The following RBFOX1 variants were observed in gnomAD, a reference collection of about 807,000 sequenced individuals.
RBFOX1 encodes the protein RNA binding fox-1 homolog 1, also known as RNA binding protein fox-1 homolog 1.
Under a neutral mutation model 57.7 loss-of-function variants are expected in RBFOX1, and 8 were observed. That is an observed-to-expected ratio of 0.14 (90% CI 0.08 to 0.25). The LOEUF (loss-of-function observed/expected upper bound fraction) is 0.25. Ranked by LOEUF, RBFOX1 falls within the 10% of genes least tolerant of loss-of-function variation. The probability of loss-of-function intolerance (pLI) is 1.00; values close to 1 mark genes in which losing one functional copy is unlikely to be tolerated. For synonymous variants in RBFOX1, 326 were observed against 222.4 expected (o/e 1.47, Z -4.15); for missense variants, 611 against 548.5 (o/e 1.11, Z -1.14).
At chr16:6,776,049 C>G (rs1466993888) in intron 3 of RBFOX1, 1 of 152,032 alleles carries the variant, frequency 6.6e-6, no homozygotes, top group Non-Finnish European at 1.5e-5. Context: ...TTTCTTGGAT[C>G]ATATGTTTTT....
At chr16:6,862,141 A>G (rs2059132648) in intron 3 of RBFOX1, among the ~76,000 whole-genome samples, 1 of 152,178 alleles carries the variant, frequency 6.6e-6, no homozygotes, top group African/African-American at 2.4e-5. Context: ...TAACAACAAA[A>G]GAGTTTTTCA....
At position 7,181,051 on chromosome 16, in the gene RBFOX1, G is replaced by A. The variant is rs139706637; in HGVS notation, c.27+128953G>A. On this transcript the variant is annotated intron_variant, in intron 4 of 15. Coordinates refer to ENST00000550418, the MANE Select transcript of RBFOX1 (RefSeq NM_018723.4). ...GTAAATGTTTTTAACCACAGTCAGC[G>A]AGGCTGATTTGGTCCACAGGCCATG... is the stretch of plus-strand genomic sequence containing the variant. Among the ~76,000 whole-genome samples, 155 of 152,332 alleles carry A rather than the reference G, an allele frequency of 1.0e-3. 3 individuals are homozygous for A. The East Asian group carries it at 0.018, about 18-fold the overall frequency.
At chr16:6,121,417 G>A (rs1272937627) in intron 1 of RBFOX1, among the ~76,000 whole-genome samples, 6 of 152,218 alleles carry the variant, frequency 3.9e-5, no homozygotes, top group Non-Finnish European at 7.3e-5. Flanking sequence ...ACCAGGGAAA[G>A]TGATGATGCT....
chr16:5,597,344 C>G (rs1221847902), intron 2 of RBFOX1, among the ~76,000 whole-genome samples: 1 of 150,694 alleles, frequency 6.6e-6, no homozygotes, highest in African/African-American at 2.4e-5. Flanking sequence ...ACACACGACC[C>G]TCTCTCTGCC....
At chr16:7,205,956 A>G (rs1362968637) in intron 4 of RBFOX1, among the ~76,000 whole-genome samples, 1 of 152,248 alleles carries the variant, frequency 6.6e-6, no homozygotes, top group Non-Finnish European at 1.5e-5. Flanking sequence ...GTTTTCTCAT[A>G]CGATTTGATC....
At chr16:6,512,208 C>T (rs553401508) in intron 2 of RBFOX1, among the ~76,000 whole-genome samples, 4 of 141,098 alleles carry the variant, frequency 2.8e-5, no homozygotes, top group African/African-American at 1.0e-4. Context: ...TGCTTGAGCC[C>T]AGGAGGTTGA....
intron 4 of RBFOX1, among the ~76,000 whole-genome samples, chr16:7,054,545 T>TGGCGGGGG (rs1555823213): frequency 9.2e-6 from 1 of 108,404 alleles, no homozygotes; most frequent in South Asian, 4.3e-4. Context: ...CAAACCTGGG[T>TGGCGGGGG]GGGGGGGCAT....
At chr16:6,529,230 G>T (rs368021249) in intron 2 of RBFOX1, among the ~76,000 whole-genome samples, 1 of 152,024 alleles carries the variant, frequency 6.6e-6, no homozygotes. Flanking sequence ...TCAAATAAAA[G>T]CATATTGCAT....
chr16:7,047,616 A>AT (rs572065121), intron 3 of RBFOX1, among the ~76,000 whole-genome samples: 106 of 105,734 alleles, frequency 1.0e-3, no homozygotes, highest in African/African-American at 2.7e-3. Flanking sequence ...ATTATTTCTT[A>AT]ATTTTTTTTT....
At chr16:5,615,757 A>C (rs1389677985) in intron 3 of RBFOX1, among the ~76,000 whole-genome samples, 3 of 152,206 alleles carry the variant, frequency 2.0e-5, no homozygotes, top group Non-Finnish European at 4.4e-5. Context: ...CCCGTTAGGA[A>C]AAAGGACCCC....
chr16:7,667,227 A>G (rs1209516421), intron 13 of RBFOX1, among the ~76,000 whole-genome samples: 1 of 152,152 alleles, frequency 6.6e-6, no homozygotes, highest in Non-Finnish European at 1.5e-5. Flanking sequence ...TGACTTTAAC[A>G]TATTGCTGCT....
intron 4 of RBFOX1, among the ~76,000 whole-genome samples, chr16:7,371,655 C>A (rs2097568442): frequency 6.6e-6 from 1 of 152,134 alleles, no homozygotes; most frequent in Non-Finnish European, 1.5e-5. Flanking sequence ...GATACTGAGG[C>A]AGGAGAATCG....
intron 1 of RBFOX1, among the ~76,000 whole-genome samples, chr16:5,460,890 G>A (rs1372152776): frequency 3.9e-5 from 6 of 152,176 alleles, no homozygotes; most frequent in East Asian, 3.9e-4. Context: ...TTGGCATCGC[G>A]TAGTAGCGAT....
Position 5,759,889 on chromosome 16 carries a change from C to T in RBFOX1, c.319-107414C>T, listed in dbSNP as rs182094531. 2.6e-3 allele frequency among the ~76,000 whole-genome samples: 394 copies of T among 152,152 alleles called. 1 individual carries two copies. The highest frequency in any genetic ancestry group is 4.0e-3 in the Non-Finnish European group (275 of 68,026). On this transcript the variant is annotated intron_variant, in intron 3 of 19. Coordinates refer to the RBFOX1 transcript ENST00000641259. Reference sequence around the variant, plus strand: ...TCTTGATCAAACGGCCTTAATGCTGCAACCACCTGCAGTTTTACTGTTTAA... The same window carrying T: ...TCTTGATCAAACGGCCTTAATGCTGTAACCACCTGCAGTTTTACTGTTTAA...
chr16:7,570,991 C>G (rs567758133), intron 5 of RBFOX1, among the ~76,000 whole-genome samples: 1 of 152,094 alleles, frequency 6.6e-6, no homozygotes, highest in Admixed American at 6.5e-5. Context: ...AACAGAAAAC[C>G]GAACACTGCA....
chr16:7,232,059 T>C (rs2093529152), intron 4 of RBFOX1, among the ~76,000 whole-genome samples: 1 of 152,018 alleles, frequency 6.6e-6, no homozygotes, highest in Non-Finnish European at 1.5e-5. Context: ...AGAGTCTCGG[T>C]CTGTCACCCA....
intron 3 of RBFOX1, among the ~76,000 whole-genome samples, chr16:6,899,756 C>T (rs865837465): frequency 1.3e-5 from 2 of 152,220 alleles, no homozygotes; most frequent in East Asian, 1.9e-4. Flanking sequence ...TCAACATTTA[C>T]ATGAATGAAG....
chr16:7,209,611 A>C (rs2090714046), intron 4 of RBFOX1, among the ~76,000 whole-genome samples: 2 of 152,116 alleles, frequency 1.3e-5, no homozygotes, highest in Admixed American at 6.5e-5. Context: ...CCTCTTACCC[A>C]TTGTAACCAC....
rs543562987 is a variant in RBFOX1, at chr16:6,606,792, A to C, written c.-63-47811A>C. 5.3e-5 allele frequency among the ~76,000 whole-genome samples: 8 copies of C among 152,292 alleles called. No homozygotes were observed. The South Asian group carries it at 1.7e-3, about 32-fold the overall frequency. On this transcript the variant is annotated intron_variant, in intron 2 of 15. Coordinates refer to ENST00000550418, the MANE Select transcript of RBFOX1 (RefSeq NM_018723.4). The stretch of plus-strand genomic sequence containing the variant: ...TTTTGGTTGACTCCACGTCTTTGCT[A>C]CAGTGAATAGTGCTGCAGTGAACAT...
Sources: gnomAD v4.1 joint callset for allele counts (sites outside exome capture counted in the v4.1 genomes callset) on GRCh38, gnomAD v4.1.1 for gene constraint, MANE v1.5 for transcripts, NCBI Gene and HGNC (gene_info 2026-07-23, HGNC 2026-07-21) for gene names.